The following ATP13A1 variants were observed in gnomAD, a reference collection of about 807,000 sequenced individuals.
The protein encoded by ATP13A1 is endoplasmic reticulum transmembrane helix translocase.
A neutral mutation model predicts 134.8 loss-of-function variants in ATP13A1; 55 were observed. The ratio of observed to expected loss-of-function variants is 0.41; its 90% CI spans 0.33 to 0.51. The LOEUF is 0.51. Ranked by LOEUF, ATP13A1 falls within the 20% of genes least tolerant of loss-of-function variation. The probability of loss-of-function intolerance (pLI) is 0.29; values close to 1 mark genes in which losing one functional copy is unlikely to be tolerated. For synonymous variants in ATP13A1, 775 were observed against 725.1 expected (o/e 1.07, Z -1.10); for missense variants, 1,389 against 1,652.8 (o/e 0.84, Z 2.77).
At chr19:19,661,004 G>C (rs2062091072) in intron 1 of ATP13A1, among the ~76,000 whole-genome samples, 1 of 147,916 alleles carries the variant, frequency 6.8e-6, no homozygotes, top group South Asian at 2.2e-4. Context: ...ACTTGAACCT[G>C]GGAGGCGGAG....
At chr19:19,662,928 G>C (rs2062103375) in intron 1 of ATP13A1, among the ~76,000 whole-genome samples, 1 of 152,188 alleles carries the variant, frequency 6.6e-6, no homozygotes, top group Non-Finnish European at 1.5e-5. Flanking sequence ...TCCAGAACAA[G>C]AGTAGTCGCT....
intron 3 of ATP13A1, among the ~76,000 whole-genome samples, chr19:19,658,809 C>A (rs1376706706): frequency 6.6e-6 from 1 of 152,212 alleles, no homozygotes; most frequent in Non-Finnish European, 1.5e-5. Context: ...ACAGTGAGGA[C>A]TGAAATGTTT....
At chr19:19,659,841 A>G (rs2062083052) in intron 2 of ATP13A1, 50 bp from the exon 3 acceptor site, 1 of 1,598,108 alleles carries the variant, frequency 6.3e-7, no homozygotes, top group East Asian at 2.3e-5. Flanking sequence ...TTGGGGTGTC[A>G]GCGCCTGGGA....
intron 16 of ATP13A1, among the ~76,000 whole-genome samples, chr19:19,652,185 G>GACGGCTCACTCAC (rs1296408993): frequency 1.3e-5 from 2 of 152,068 alleles, no homozygotes; most frequent in African/African-American, 4.8e-5. Context: ...CATCCTCTGA[G>GACGGCTCACTCAC]ACGGCTCACT....
At chr19:19,662,283 A>G (rs566363872) in intron 1 of ATP13A1, 39 of 985,414 alleles carry the variant, frequency 4.0e-5, no homozygotes, top group African/African-American at 1.4e-4. Flanking sequence ...CCTGGGATAG[A>G]TAAGTCTTTT....
Position 19,646,280 on chromosome 19 carries a change from A to G in ATP13A1, c.3173T>C (p.Val1058Ala). The G allele has an allele frequency of 6.2e-7, 1 of 1,613,894 alleles. No individual in the cohort carries two copies. Among genetic ancestry groups the G allele is most frequent in the South Asian group, 1.1e-5 (1 of 91,074 alleles). Residue 1058 changes from valine to alanine, a missense_variant, in exon 23 of 26, where the codon GTC (valine) becomes GCC (alanine). Physicochemically the swap from Val to Ala is moderately conservative, Grantham distance 64. Transcript: ENST00000357324. ...NIFNLYTILT[V>A]MLQFFVHFLS... The stretch of plus-strand genomic sequence containing the variant: ...GAAGTGCACAAAGAACTGGAGCATG[A>G]CGGTGAGGATGGTGTACAGGTTGAA...
At position 19,655,041 on chromosome 19, in the gene ATP13A1, G is replaced by C; in HGVS notation, c.1655+78C>G. On this transcript the variant is annotated intron_variant, in intron 12 of 25. Transcript: ENST00000357324. The surrounding 1 kb of genome is among the most constrained non-coding windows in gnomAD (Gnocchi z 5.7). The stretch of plus-strand genomic sequence containing the variant: ...ACGGGCCCTCACTGCAAGGGCTTGG[G>C]GTGGATGGGCCACCTGTCTCTCGAC... 1.3e-6 allele frequency: 2 copies of C among 1,577,588 alleles called. No individual in the cohort carries two copies. Among genetic ancestry groups the C allele is most frequent in the Non-Finnish European group, 1.7e-6 (2 of 1,164,672 alleles).
intron 3 of ATP13A1, among the ~76,000 whole-genome samples, chr19:19,658,821 G>A (rs941439686): frequency 4.6e-5 from 7 of 152,218 alleles, no homozygotes; most frequent in African/African-American, 1.7e-4. Context: ...GAAATGTTTA[G>A]GTTGGGTGCA....
chr19:19,662,633 GTTGTATC>G (rs2062101692), intron 1 of ATP13A1, among the ~76,000 whole-genome samples: 1 of 152,194 alleles, frequency 6.6e-6, no homozygotes, highest in Middle Eastern at 3.2e-3. Context: ...CTTGCTTGCT[GTTGTATC>G]CCCGACAGAA....
rs539406301 is a variant in ATP13A1, at chr19:19,656,460, C to A, written c.1083+200G>T. Reference sequence around the variant, plus strand: ...CACCTTGGTCTGACATCCCAGGGCACCAATGTACCCTGGATGCCCTTGGCT... The same window carrying A: ...CACCTTGGTCTGACATCCCAGGGCAACAATGTACCCTGGATGCCCTTGGCT... On this transcript the variant is annotated intron_variant, in intron 7 of 25. Transcript: ENST00000357324. This position sits in a 1 kb window ranked among gnomAD's most constrained non-coding sequence, Gnocchi z 4.6. 6.6e-6 allele frequency among the ~76,000 whole-genome samples: 1 copy of A among 152,246 alleles called. No individual in the cohort carries two copies. Among genetic ancestry groups the A allele is most frequent in the African/African-American group, 2.4e-5 (1 of 41,532 alleles).
rs758396531 is a variant in ATP13A1 at position 19,647,698 on chromosome 19, G to A, written c.2694C>T (p.Asp898=). ...TGCCACTGTTGCTCAGGGTTGGGCT[G>A]TCCCGGGGCCGCCGTCGCCGCTCGA... is the stretch of plus-strand genomic sequence containing the variant. The part of the protein sequence containing the change: ...RVVERRRRPR[D]SPTLSNSGIR... The change falls in exon 20 of 26, where the codon GAC becomes GAT. Residue 898 remains aspartate (D), a synonymous_variant. Coordinates refer to ENST00000357324, the MANE Select transcript of ATP13A1 (RefSeq NM_020410.3). This position sits in a 1 kb window ranked among gnomAD's most constrained non-coding sequence, Gnocchi z 4.8. 3 of 1,611,388 alleles carry A rather than the reference G, an allele frequency of 1.9e-6. No individual in the cohort carries two copies. The highest frequency in any genetic ancestry group is 2.5e-6 in the Non-Finnish European group (3 of 1,179,654).
rs747614121 is a variant in ATP13A1, at chr19:19,649,765, G to A, written c.2511C>T (p.Phe837=). The A allele has an allele frequency of 1.3e-5, 21 of 1,600,624 alleles. No homozygotes were observed. The highest frequency in any genetic ancestry group is 4.0e-5 in the African/African-American group (3 of 74,722). ...LLRLIPHVQV[F]ARVAPKQKEF... Reference sequence around the variant, plus strand: ...CCTTCTGCTTGGGAGCCACACGGGCGAACACCTGCACATGGGGGATGAGGC... The same window carrying A: ...CCTTCTGCTTGGGAGCCACACGGGCAAACACCTGCACATGGGGGATGAGGC... Residue 837 remains phenylalanine, a synonymous_variant, in exon 18 of 26, where the codon TTC becomes TTT. Transcript: ENST00000357324.
chr19:19,654,474 A>G, intron 13 of ATP13A1, 69 bp downstream of exon 13: 1 of 1,511,684 alleles, frequency 6.6e-7, no homozygotes, highest in Non-Finnish European at 8.8e-7. Context: ...TGAGGGGTGC[A>G]GCCCACCTGC....
At chr19:19,657,545 G>T in intron 3 of ATP13A1, 137 bp from the exon 4 acceptor site, 1 of 832,920 alleles carries the variant, frequency 1.2e-6, no homozygotes, top group Non-Finnish European at 1.8e-6. Context: ...CGGGAGCCCT[G>T]GCGAGCTTCC....
Position 19,656,636 on chromosome 19 carries a change from G to A in ATP13A1, c.1083+24C>T. On this transcript the variant is annotated intron_variant, in intron 7 of 25. Transcript: ENST00000357324. The surrounding 1 kb of genome is among the most constrained non-coding windows in gnomAD (Gnocchi z 4.6). ...GCCTGTTTCCTCCTGAACAGCTTGA[G>A]GATCCCCATCCTCCACCAAGTACCT... is the stretch of plus-strand genomic sequence containing the variant. 4 of 1,607,236 alleles carry A rather than the reference G, an allele frequency of 2.5e-6. No individual in the cohort carries two copies. In the South Asian group the frequency reaches 4.4e-5, roughly 18 times the overall value.
chr19:19,652,584 C>T lies in ATP13A1; in HGVS notation c.2226+11G>A, dbSNP rs758271260. On this transcript the variant is annotated intron_variant, in intron 16 of 25. Coordinates refer to ENST00000357324, the MANE Select transcript of ATP13A1 (RefSeq NM_020410.3). ...CCCATGCAGAGGGTGGAGCCGAGCA[C>T]CGTCCCATACCCGGTGGGACGCATT... The T allele has an allele frequency of 5.0e-6, 8 of 1,605,890 alleles. No individual in the cohort carries two copies. Among genetic ancestry groups the T allele is most frequent in the South Asian group, 1.1e-5 (1 of 89,546 alleles).
Position 19,656,831 on chromosome 19 carries a change from C to T in ATP13A1, c.976+16G>A, listed in dbSNP as rs374002559. ...GGCTGGGGCTCCCACTGGGACTGAG[C>T]GGAACCCGGCCTCACCGATGGAGAC... On this transcript the variant is annotated intron_variant, in intron 6 of 25. Coordinates refer to ENST00000357324, the MANE Select transcript of ATP13A1 (RefSeq NM_020410.3). The surrounding 1 kb of genome is among the most constrained non-coding windows in gnomAD (Gnocchi z 4.6). 114 of 1,611,638 alleles carry T rather than the reference C, an allele frequency of 7.1e-5. 2 individuals are homozygous for T. In the Admixed American group the frequency reaches 1.0e-3, roughly 14 times the overall value.
At position 19,655,259 on chromosome 19, in the gene ATP13A1, C is replaced by G. The variant is rs1014879812; in HGVS notation, c.1535-20G>C. The G allele has an allele frequency of 4.3e-6, 7 of 1,613,812 alleles. No individual in the cohort carries two copies. Among genetic ancestry groups the G allele is most frequent in the Admixed American group, 1.7e-5 (1 of 59,990 alleles). On this transcript the variant is annotated intron_variant, in intron 11 of 25. Transcript: ENST00000357324. This position sits in a 1 kb window ranked among gnomAD's most constrained non-coding sequence, Gnocchi z 5.7. Reference sequence around the variant, plus strand: ...ACATGTCTAGGGGCGGGAGTGAGGTCAGGGGTCCTGCTTGGCCCCAGCCCA... The same window carrying G: ...ACATGTCTAGGGGCGGGAGTGAGGTGAGGGGTCCTGCTTGGCCCCAGCCCA...
At chr19:19,658,249 C>T (rs964186496) in intron 3 of ATP13A1, among the ~76,000 whole-genome samples, 5 of 151,490 alleles carry the variant, frequency 3.3e-5, no homozygotes, top group Non-Finnish European at 5.9e-5. Flanking sequence ...CTGATCAGGG[C>T]ACCAGTCATG....
Sources: gnomAD v4.1 joint callset for allele counts (sites outside exome capture counted in the v4.1 genomes callset) on GRCh38, gnomAD v4.1.1 for gene constraint, Gnocchi (gnomAD v3.1) non-coding constraint, MANE v1.5 for transcripts, NCBI Gene and HGNC (gene_info 2026-07-23, HGNC 2026-07-21) for gene names.